CNTN4: variants seen among roughly 807,000 people sequenced by gnomAD.
The protein encoded by CNTN4 is contactin-4.
In CNTN4, 77 loss-of-function variants were observed where a neutral mutation model predicts 122.5. That is an observed-to-expected ratio of 0.63 (90% confidence interval 0.52 to 0.76). The LOEUF is 0.76. Among genes scored for constraint, CNTN4 ranks in the 30% least tolerant of loss-of-function variants. The probability of loss-of-function intolerance (pLI) is 0.00; values close to 1 mark genes in which losing one functional copy is unlikely to be tolerated. For missense variants in CNTN4, 1,256 were observed against 1,259.1 expected (o/e 1.00, Z 0.04); for synonymous variants, 512 against 447.0 (o/e 1.15, Z -1.83).
Position 2,154,611 on chromosome 3 carries a change from GACTTTT to G in CNTN4, c.-145+53977_-145+53982del, listed in dbSNP as rs562947448. 4.6e-3 allele frequency among the ~76,000 whole-genome samples: 694 copies of G among 152,278 alleles called. 3 individuals are homozygous for G. Among genetic ancestry groups the G allele is most frequent in the South Asian group, 0.019 (93 of 4,826 alleles). Reference sequence around the variant, plus strand: ...GGGATTAAACAACAACAGCAAAACAGACTTTTACTTCCTTAGATCTCAGATTTATAT... The same window carrying G: ...GGGATTAAACAACAACAGCAAAACAGACTTCCTTAGATCTCAGATTTATAT... On this transcript the variant is annotated intron_variant, in intron 2 of 24. Coordinates refer to ENST00000418658, the MANE Select transcript of CNTN4 (RefSeq NM_175607.3).
rs188334482 is a variant in CNTN4 at position 2,202,326 on chromosome 3, C to T, written c.-145+101687C>T. 1.5e-3 allele frequency among the ~76,000 whole-genome samples: 225 copies of T among 152,218 alleles called. 1 individual carries two copies. The highest frequency in any genetic ancestry group is 1.9e-3 in the Non-Finnish European group (132 of 68,020). ...AATCAGCTTAATGGGTGGTTGCTTACGCTTTCTGTGGGAAAACCATGGGGG... is the reference window on the plus strand; with the variant it reads ...AATCAGCTTAATGGGTGGTTGCTTATGCTTTCTGTGGGAAAACCATGGGGG... On this transcript the variant is annotated intron_variant, in intron 2 of 24. Coordinates refer to ENST00000418658, the MANE Select transcript of CNTN4 (RefSeq NM_175607.3).
At chr3:2,207,689 C>G (rs768921571) in intron 2 of CNTN4, among the ~76,000 whole-genome samples, 5 of 152,104 alleles carry the variant, frequency 3.3e-5, no homozygotes, top group Non-Finnish European at 7.4e-5. Flanking sequence ...GATGTAGAAG[C>G]TGCAGAAATT....
At chr3:2,486,455 G>T (rs1378715835) in intron 3 of CNTN4, among the ~76,000 whole-genome samples, 1 of 152,140 alleles carries the variant, frequency 6.6e-6, no homozygotes, top group African/African-American at 2.4e-5. Flanking sequence ...GAAATGTTTG[G>T]ATTTTTGAAT....
At chr3:2,955,486 TTAAA>T (rs1559715350) in intron 13 of CNTN4, among the ~76,000 whole-genome samples, 1 of 152,160 alleles carries the variant, frequency 6.6e-6, no homozygotes, top group Non-Finnish European at 1.5e-5. Flanking sequence ...GCTCTAGACA[TTAAA>T]TATTCAGATA....
chr3:2,435,117 A>G (rs2048214035), intron 3 of CNTN4, among the ~76,000 whole-genome samples: 1 of 152,186 alleles, frequency 6.6e-6, no homozygotes, highest in Admixed American at 6.5e-5. Context: ...GAATATCCTG[A>G]ATTATTCCCA....
At chr3:3,011,481 T>C (rs6805011) in intron 14 of CNTN4, among the ~76,000 whole-genome samples, 1,722 of 152,310 alleles carry the variant, frequency 0.011, 22 homozygotes, top group African/African-American at 0.039. Context: ...CTTGACTTGA[T>C]GTCATTCTAG....
At chr3:2,774,173 A>G (rs1039256658) in intron 6 of CNTN4, among the ~76,000 whole-genome samples, 1 of 152,086 alleles carries the variant, frequency 6.6e-6, no homozygotes, top group Non-Finnish European at 1.5e-5. Context: ...AGGCAAGAGG[A>G]TAGCTTGAAC....
chr3:2,469,650 A>G (rs765640742), intron 3 of CNTN4, among the ~76,000 whole-genome samples: 2 of 152,152 alleles, frequency 1.3e-5, no homozygotes, highest in Admixed American at 6.5e-5. Context: ...GGGAATGGCC[A>G]TTTTGCAACC....
intron 3 of CNTN4, among the ~76,000 whole-genome samples, chr3:2,461,060 C>G (rs2049188118): frequency 1.3e-5 from 2 of 152,168 alleles, no homozygotes; most frequent in African/African-American, 4.8e-5. Context: ...TTACAAATGT[C>G]TGTCCTAAAA....
intron 7 of CNTN4, among the ~76,000 whole-genome samples, chr3:2,851,096 G>T (rs1177232306): frequency 6.6e-6 from 1 of 152,150 alleles, no homozygotes; most frequent in African/African-American, 2.4e-5. Context: ...CATCAGTTAT[G>T]TATTGTTTTG....
chr3:2,194,018 C>T lies in CNTN4; in HGVS notation c.-145+93379C>T, dbSNP rs144914439. Among the ~76,000 whole-genome samples the T allele has an allele frequency of 1.6e-3, 236 of 152,236 alleles. 4 individuals carry two copies. The East Asian group carries it at 0.039, about 25-fold the overall frequency. ...CACATCCTTGTGAAGTGATGTGTGA[C>T]TCTTTTCAGTTCAATGAAGTTAGTA... On this transcript the variant is annotated intron_variant, in intron 2 of 24. Transcript: ENST00000418658.
intron 24 of CNTN4, among the ~76,000 whole-genome samples, chr3:3,055,867 A>G (rs1254047228): frequency 6.6e-6 from 1 of 152,172 alleles, no homozygotes; most frequent in Non-Finnish European, 1.5e-5. Context: ...AGTAATATTG[A>G]AGTTTCTTCT....
chr3:2,703,425 A>C (rs947577992), intron 4 of CNTN4, among the ~76,000 whole-genome samples: 4 of 152,184 alleles, frequency 2.6e-5, no homozygotes, highest in Non-Finnish European at 5.9e-5. Context: ...GATTTTTATA[A>C]GACATGTATT....
intron 4 of CNTN4, among the ~76,000 whole-genome samples, chr3:2,647,446 A>G (rs971252384): frequency 2.0e-5 from 3 of 152,116 alleles, no homozygotes; most frequent in African/African-American, 7.2e-5. Context: ...CCTTATCTCA[A>G]GGTCTTGGCC....
chr3:2,481,257 C>T (rs1166982011), intron 3 of CNTN4, among the ~76,000 whole-genome samples: 2 of 151,942 alleles, frequency 1.3e-5, no homozygotes, highest in African/African-American at 2.4e-5. Context: ...TTTCCTACCT[C>T]AGCCTCCTGA....
At chr3:2,950,919 T>C (rs1191448440) in intron 13 of CNTN4, among the ~76,000 whole-genome samples, 3 of 152,204 alleles carry the variant, frequency 2.0e-5, no homozygotes, top group African/African-American at 7.2e-5. Context: ...TTGTCATATC[T>C]TATGCACTTA....
chr3:2,339,023 G>C (rs1261074792), intron 2 of CNTN4, among the ~76,000 whole-genome samples, 155 bp from the exon 3 acceptor site: 5 of 152,078 alleles, frequency 3.3e-5, no homozygotes, highest in African/African-American at 9.7e-5. Context: ...TATTAAGCTG[G>C]AAATCTATAC....
rs1701422493 is a variant in CNTN4, at chr3:3,053,080, G to T, written c.2812-727G>T. ...GAGACAGTCTTGCTCTGTCACCCAG[G>T]CTGGAGTGCAGTGGCTTGATCTCGG... On this transcript the variant is annotated intron_variant, in intron 23 of 24. Coordinates refer to ENST00000418658, the MANE Select transcript of CNTN4 (RefSeq NM_175607.3). Among the ~76,000 whole-genome samples, 4 of 152,300 alleles carry T rather than the reference G, an allele frequency of 2.6e-5. No individual in the cohort carries two copies. The South Asian group carries it at 8.3e-4, about 32-fold the overall frequency.
intron 4 of CNTN4, among the ~76,000 whole-genome samples, chr3:2,631,629 G>GC (rs2082432440): frequency 6.8e-6 from 1 of 147,316 alleles, no homozygotes; most frequent in South Asian, 2.1e-4. Context: ...TAATTTTAAA[G>GC]TTTTTTTTTT....
Sources: gnomAD v4.1 joint callset for allele counts (sites outside exome capture counted in the v4.1 genomes callset) on GRCh38, gnomAD v4.1.1 for gene constraint, MANE v1.5 for transcripts, NCBI Gene and HGNC (gene_info 2026-07-23, HGNC 2026-07-21) for gene names.